AKT1: variants seen among roughly 807,000 people sequenced by gnomAD.
AKT1 encodes RAC-alpha serine/threonine-protein kinase.
In AKT1, 21 loss-of-function variants were observed where a neutral mutation model predicts 63.1. The ratio of observed to expected loss-of-function variants is 0.33; its 90% CI spans 0.24 to 0.48. The LOEUF is 0.48. Among genes scored for constraint, AKT1 ranks in the 20% least tolerant of loss-of-function variants. AKT1 has a pLI of 0.99. For missense variants in AKT1, 382 were observed against 666.0 expected (o/e 0.57, Z 4.69); for synonymous variants, 257 against 253.1 (o/e 1.02, Z -0.15).
At chr14:104,790,658 C>T (rs901334813) in intron 3 of AKT1, among the ~76,000 whole-genome samples, 4 of 152,220 alleles carry the variant, frequency 2.6e-5, no homozygotes, top group Admixed American at 1.3e-4. Flanking sequence ...GTCATATCCA[C>T]GCCACCTCCC....
intron 2 of AKT1, 91 bp downstream of exon 2, chr14:104,793,036 G>A: frequency 2.8e-6 from 1 of 353,394 alleles, no homozygotes; most frequent in Non-Finnish European, 5.3e-6. Flanking sequence ...GGCCCTGAGA[G>A]CTGCTGCCTT....
chr14:104,776,020 AC>A, intron 5 of AKT1: 1 of 505,906 alleles, frequency 2.0e-6, no homozygotes, highest in Admixed American at 3.6e-5. Context: ...CCCCAGCAGG[AC>A]TCTGTCCCCA....
intron 4 of AKT1, among the ~76,000 whole-genome samples, chr14:104,779,131 C>A (rs1325840141): frequency 6.6e-6 from 1 of 152,202 alleles, no homozygotes; most frequent in Non-Finnish European, 1.5e-5. Context: ...GGTCTCCATG[C>A]CAGGGTTCCC....
chr14:104,793,418 C>A, intron 1 of AKT1, 114 bp from the exon 2 acceptor site: 1 of 208,160 alleles, frequency 4.8e-6, no homozygotes, highest in Non-Finnish European at 9.8e-6. Context: ...CTGGGAGAAA[C>A]CCCAGGCCCC....
At position 104,769,678 on chromosome 14, in the gene AKT1, A is replaced by C; in HGVS notation, c.*663T>G. ...GGCTTTCCTGTCACAAAGATTAAAA[A>C]CCCCCAAAATGCATTTGAACAACAT... On this transcript the variant is annotated 3_prime_UTR_variant, in exon 15 of 15. Transcript: ENST00000649815. The C allele has an allele frequency of 2.2e-6, 1 of 457,962 alleles. No homozygotes were observed. The highest frequency in any genetic ancestry group is 4.2e-6 in the Non-Finnish European group (1 of 239,192). 28.4% of individuals were successfully genotyped at this position (457,962 alleles called of 1,614,324 possible). A position where few individuals can be genotyped will look rare whatever the true frequency, so the allele number is the denominator to read the frequency against.
At chr14:104,771,949 T>C (rs779843972) in intron 13 of AKT1, 20 of 321,868 alleles carry the variant, frequency 6.2e-5, no homozygotes, top group Non-Finnish European at 9.3e-5. Context: ...TGGGCTCTCC[T>C]TGCGGCAGAA....
At chr14:104,776,391 C>T (rs936391662) in intron 5 of AKT1, 10 of 380,184 alleles carry the variant, frequency 2.6e-5, no homozygotes, top group Middle Eastern at 1.5e-3. Flanking sequence ...AAGTGATCTG[C>T]GCACCTCGGC....
At chr14:104,793,397 C>A (rs1130214) in intron 1 of AKT1, 93 bp from the exon 2 acceptor site, 59,877 of 208,470 alleles carry the variant, frequency 0.29, 9,203 homozygotes, top group African/African-American at 0.38. Flanking sequence ...CAGCGCAAGC[C>A]CAAAAACCTC....
chr14:104,777,069 C>T (rs754220127), intron 4 of AKT1: 30 of 354,206 alleles, frequency 8.5e-5, no homozygotes, highest in East Asian at 1.2e-4. Flanking sequence ...CTCTGAGCCC[C>T]GCCGTGCGCC....
rs1488901303 is a variant in AKT1, at chr14:104,777,485, T to TCTGGGGCACACGAACAC, written c.176-732_176-716dup. 6 of 872,344 alleles carry TCTGGGGCACACGAACAC rather than the reference T, an allele frequency of 6.9e-6. No homozygotes were observed. The South Asian group carries it at 1.5e-4, about 22-fold the overall frequency. The allele number at this position is 872,344 out of a possible 1,614,324, so 54.0% of individuals were successfully genotyped here. A position where few individuals can be genotyped will look rare whatever the true frequency, so the allele number is the denominator to read the frequency against. On this transcript the variant is annotated intron_variant, in intron 4 of 14. Coordinates refer to ENST00000649815, the MANE Select transcript of AKT1 (RefSeq NM_001382430.1). The stretch of plus-strand genomic sequence containing the variant: ...GAACACATCTAGACACCTAGCCACA[T>TCTGGGGCACACGAACAC]CTGGGGCACACGAACACCTGGGGCA...
Position 104,788,052 on chromosome 14 carries a change from C to G in AKT1, c.46+4546G>C, listed in dbSNP as rs879415778. Among the ~76,000 whole-genome samples the G allele has an allele frequency of 3.9e-5, 6 of 152,192 alleles. 1 individual carries two copies. Among genetic ancestry groups the G allele is most frequent in the Admixed American group, 1.3e-4 (2 of 15,290 alleles). On this transcript the variant is annotated intron_variant, in intron 3 of 14. Transcript: ENST00000649815. Reference sequence around the variant, plus strand: ...GCTGTTGGGACCCCCACTCTCTGCCCAGCCCTCCCACCAGGAGCCAGCACA... The same window carrying G: ...GCTGTTGGGACCCCCACTCTCTGCCGAGCCCTCCCACCAGGAGCCAGCACA...
intron 1 of AKT1, chr14:104,793,859 C>T (rs533656219): frequency 6.6e-6 from 1 of 152,378 alleles, no homozygotes; most frequent in East Asian, 1.9e-4. Context: ...GATGGGCCTT[C>T]CTGAGGGGAG....
chr14:104,777,631 G>C, intron 4 of AKT1: 1 of 989,344 alleles, frequency 1.0e-6, no homozygotes, highest in Non-Finnish European at 1.2e-6. Context: ...GCGGGGCCCT[G>C]AGAGGTGTGA....
At position 104,780,381 on chromosome 14, in the gene AKT1, G is replaced by A. The variant is rs372856185; in HGVS notation, c.47-165C>T. Among the ~76,000 whole-genome samples the A allele has an allele frequency of 1.7e-3, 253 of 152,322 alleles. 1 individual carries two copies. The highest frequency in any genetic ancestry group is 5.8e-3 in the African/African-American group (242 of 41,566). Reference sequence around the variant, plus strand: ...GTTTCTTAGGGCCAGCGACAGAAACGGCCCTGGGTCAACGGGAAGGCAGAC... The same window carrying A: ...GTTTCTTAGGGCCAGCGACAGAAACAGCCCTGGGTCAACGGGAAGGCAGAC... On this transcript the variant is annotated intron_variant, in intron 3 of 14. Coordinates refer to ENST00000649815, the MANE Select transcript of AKT1 (RefSeq NM_001382430.1).
At chr14:104,772,291 C>A in intron 13 of AKT1, 74 bp downstream of exon 13, 1 of 1,503,218 alleles carries the variant, frequency 6.7e-7, no homozygotes, top group Non-Finnish European at 9.2e-7. Context: ...ATCTGGCGAG[C>A]GTGCCACGTG....
intron 3 of AKT1, among the ~76,000 whole-genome samples, chr14:104,782,593 C>T (rs1893120146): frequency 6.6e-6 from 1 of 152,166 alleles, no homozygotes; most frequent in South Asian, 2.1e-4. Context: ...GTGCCCAGCC[C>T]CGAGCATTCC....
In AKT1 at chr14:104,780,208, T is replaced by G; in HGVS notation, c.55A>C (p.Ile19Leu). The change falls in exon 4 of 15, where the codon ATC (isoleucine) becomes CTC (leucine). Residue 19 changes from isoleucine (I) to leucine (L), a missense_variant. Ile to Leu is a conservative substitution (Grantham distance 5). Transcript: ENST00000649815. Reference protein sequence around the residue: ...EGWLHKRGEYIKTWRPRYFLL... With the variant: ...EGWLHKRGEYLKTWRPRYFLL... Reference sequence around the variant, plus strand: ...AAGTAGCGTGGCCGCCAGGTCTTGATGTACTCCCCTACAGACGTGCGGGTG... The same window carrying G: ...AAGTAGCGTGGCCGCCAGGTCTTGAGGTACTCCCCTACAGACGTGCGGGTG... The G allele has an allele frequency of 6.2e-7, 1 of 1,613,342 alleles. No homozygotes were observed.
chr14:104,794,663 C>G (rs1158092858), intron 1 of AKT1: 1 of 152,348 alleles, frequency 6.6e-6, no homozygotes, highest in Admixed American at 6.5e-5. Flanking sequence ...CACCAACGGA[C>G]TCCGTCCGCC....
intron 4 of AKT1, chr14:104,777,379 G>A: frequency 3.8e-6 from 1 of 262,078 alleles, no homozygotes; most frequent in Non-Finnish European, 6.4e-6. Context: ...AGCCACACCT[G>A]GGGCACACGC....
Sources: allele counts gnomAD v4.1 joint callset (sites outside exome capture counted in the v4.1 genomes callset), GRCh38; gene constraint gnomAD v4.1.1; transcripts MANE v1.5; gene names NCBI Gene and HGNC (gene_info 2026-07-23, HGNC 2026-07-21).